The following SLCO5A1 variants were observed in gnomAD, a reference collection of about 807,000 sequenced individuals.
SLCO5A1 encodes organic anion transporter polypeptide-related protein 4.
Under a neutral mutation model 65.1 loss-of-function variants are expected in SLCO5A1, and 39 were observed. That is an observed-to-expected ratio of 0.60 (90% CI 0.46 to 0.78). The LOEUF (loss-of-function observed/expected upper bound fraction) is 0.78, where lower values mean the gene tolerates loss of function less well. Among genes scored for constraint, SLCO5A1 ranks in the 30% least tolerant of loss-of-function variants. The pLI, the probability that SLCO5A1 is intolerant of heterozygous loss-of-function variation, is 0.00. For synonymous variants in SLCO5A1, 438 were observed against 415.7 expected (o/e 1.05, Z -0.65); for missense variants, 1,029 against 1,069.4 (o/e 0.96, Z 0.53).
intron 2 of SLCO5A1, among the ~76,000 whole-genome samples, chr8:69,826,684 G>T (rs1416514334): frequency 6.6e-6 from 1 of 152,200 alleles, no homozygotes; most frequent in Non-Finnish European, 1.5e-5. Context: ...CTGTTGGTGG[G>T]ACTAGTTCAA....
At chr8:69,681,720 GT>G (rs140678258) in intron 7 of SLCO5A1, among the ~76,000 whole-genome samples, 2 of 151,734 alleles carry the variant, frequency 1.3e-5, no homozygotes, top group South Asian at 4.2e-4. Flanking sequence ...TACTTTGAAA[GT>G]TTTTTTTTAA....
At chr8:69,742,040 T>C (rs1216616351) in intron 4 of SLCO5A1, among the ~76,000 whole-genome samples, 4 of 152,178 alleles carry the variant, frequency 2.6e-5, no homozygotes, top group African/African-American at 9.7e-5. Flanking sequence ...ATGGCTGTCC[T>C]GTGGTTATAT....
Position 69,761,845 on chromosome 8 carries a change from G to T in SLCO5A1, c.938C>A (p.Pro313His), listed in dbSNP as rs2130864184. 2 of 1,613,786 alleles carry T rather than the reference G, an allele frequency of 1.2e-6. No homozygotes were observed. The highest frequency in any genetic ancestry group is 1.7e-6 in the Non-Finnish European group (2 of 1,179,954). Residue 313 changes from proline (P) to histidine (H), a missense_variant, in exon 3 of 10, where the codon CCT (proline) becomes CAT (histidine). Pro to His is a moderately conservative substitution (Grantham distance 77). This residue lies in a region of SLCO5A1 where 647 missense variants were observed against 647.5 expected (regional missense o/e 1.00). Coordinates refer to ENST00000260126, the MANE Select transcript of SLCO5A1 (RefSeq NM_030958.3). ...AIMYVMGALG[P>H]AVGYLLGGLL... ...TCCACCTAATAAATATCCCACTGCA[G>T]GGCCAAGTGCTCCCATGACATACAT...
At chr8:69,831,681 G>T in intron 2 of SLCO5A1, 86 bp downstream of exon 2, 1 of 1,372,690 alleles carries the variant, frequency 7.3e-7, no homozygotes, top group Non-Finnish European at 1.0e-6. Flanking sequence ...ATGAAAATGT[G>T]AAAGAACATG....
chr8:69,825,454 C>T (rs1384638757), intron 2 of SLCO5A1, among the ~76,000 whole-genome samples: 2 of 152,116 alleles, frequency 1.3e-5, no homozygotes, highest in African/African-American at 4.8e-5. Flanking sequence ...AATCAATGTA[C>T]AAAAATCACA....
chr8:69,717,709 A>T (rs2933033), intron 5 of SLCO5A1, among the ~76,000 whole-genome samples: 85,186 of 152,058 alleles, frequency 0.56, 24,383 homozygotes, highest in South Asian at 0.69. Flanking sequence ...TCCTAATAAT[A>T]TTAAGTCTTC....
intron 2 of SLCO5A1, among the ~76,000 whole-genome samples, chr8:69,784,811 A>AAAAGAAAG (rs56110450): frequency 0.14 from 9,614 of 70,918 alleles, 987 homozygotes; most frequent in Middle Eastern, 0.23. Flanking sequence ...GAAAGAAAGA[A>AAAAGAAAG]AAAGAAAGAA....
intron 2 of SLCO5A1, among the ~76,000 whole-genome samples, chr8:69,806,113 A>G (rs1380760809): frequency 6.6e-6 from 1 of 152,198 alleles, no homozygotes; most frequent in Non-Finnish European, 1.5e-5. Context: ...AATTTGAAGG[A>G]TGTGCCTGAG....
chr8:69,693,501 T>G (rs764760220), intron 6 of SLCO5A1, among the ~76,000 whole-genome samples: 2 of 152,218 alleles, frequency 1.3e-5, no homozygotes. Flanking sequence ...TTATATAGCA[T>G]GCTTTCTTCT....
intron 5 of SLCO5A1, among the ~76,000 whole-genome samples, chr8:69,732,250 A>T (rs1042831706): frequency 1.3e-5 from 2 of 152,116 alleles, no homozygotes; most frequent in Non-Finnish European, 2.9e-5. Flanking sequence ...TTACACCCCA[A>T]CCTAATTCTT....
At position 69,738,203 on chromosome 8, in the gene SLCO5A1, G is replaced by T. The variant is rs762014226; in HGVS notation, c.1260C>A (p.Asp420Glu). Reference protein sequence around the residue: ...SSMGFGKDVRDLPRAAVRILS... With the variant: ...SSMGFGKDVRELPRAAVRILS... ...AGATCCTGACAGCTGCTCTTGGTAG[G>T]TCTACAAAATGACAAAAATGACAAA... The change falls in exon 5 of 10, where the codon GAC (aspartate) becomes GAA (glutamate). Residue 420 changes from aspartate to glutamate, a missense_variant and splice_region_variant. Transcript: ENST00000260126. 1 of 1,589,576 alleles carries T rather than the reference G, an allele frequency of 6.3e-7. No homozygotes were observed. Among genetic ancestry groups the T allele is most frequent in the South Asian group, 1.1e-5 (1 of 87,548 alleles).
At chr8:69,768,069 C>T (rs1818154679) in intron 2 of SLCO5A1, among the ~76,000 whole-genome samples, 1 of 151,578 alleles carries the variant, frequency 6.6e-6, no homozygotes, top group South Asian at 2.1e-4. Context: ...TGCATCTCTA[C>T]CAAAAATACA....
chr8:69,682,561 C>T (rs1382799290), intron 6 of SLCO5A1, among the ~76,000 whole-genome samples: 6 of 152,126 alleles, frequency 3.9e-5, no homozygotes, highest in Non-Finnish European at 8.8e-5. Flanking sequence ...AGATTCAATG[C>T]TTTTTATCAA....
intron 2 of SLCO5A1, among the ~76,000 whole-genome samples, chr8:69,772,460 GGGTTGA>G (rs1442066232): frequency 3.3e-5 from 5 of 151,530 alleles, no homozygotes; most frequent in African/African-American, 1.2e-4. Flanking sequence ...GGGGTGATGG[GGGTTGA>G]GGCTGCAGTG....
At chr8:69,763,879 T>C (rs1483431186) in intron 2 of SLCO5A1, among the ~76,000 whole-genome samples, 1 of 152,080 alleles carries the variant, frequency 6.6e-6, no homozygotes, top group African/African-American at 2.4e-5. Flanking sequence ...ATAAACACTT[T>C]TTTTTTTGAG....
At chr8:69,704,863 T>C in intron 6 of SLCO5A1, 168 bp downstream of exon 6, 1 of 636,956 alleles carries the variant, frequency 1.6e-6, no homozygotes, top group Admixed American at 2.9e-5. Context: ...GACCCTGGCT[T>C]CTGCCCTGCA....
At chr8:69,703,471 G>C (rs937137907) in intron 6 of SLCO5A1, among the ~76,000 whole-genome samples, 4 of 152,150 alleles carry the variant, frequency 2.6e-5, no homozygotes, top group African/African-American at 9.6e-5. Context: ...ACTTGTGACC[G>C]GGAGTTCAAG....
chr8:69,717,868 T>C (rs1487511347), intron 5 of SLCO5A1, among the ~76,000 whole-genome samples: 1 of 152,202 alleles, frequency 6.6e-6, no homozygotes. Flanking sequence ...GACAGCTACA[T>C]TGAGCTAATT....
intron 2 of SLCO5A1, among the ~76,000 whole-genome samples, chr8:69,800,694 G>A (rs992606737): frequency 6.6e-6 from 1 of 152,154 alleles, no homozygotes; most frequent in African/African-American, 2.4e-5. Context: ...TTATAATCAC[G>A]AAGGTTTATT....
Sources: allele counts gnomAD v4.1 joint callset (sites outside exome capture counted in the v4.1 genomes callset), GRCh38; gene constraint gnomAD v4.1.1; regional missense constraint gnomAD v4.1.1; transcripts MANE v1.5; gene names NCBI Gene and HGNC (gene_info 2026-07-23, HGNC 2026-07-21).